DLGAP4: variants seen among roughly 807,000 people sequenced by gnomAD.
DLGAP4 encodes the protein disks large-associated protein 4.
A neutral mutation model predicts 86.9 loss-of-function variants in DLGAP4; 18 were observed. That is an observed-to-expected ratio of 0.21 (90% CI 0.14 to 0.31). The LOEUF is 0.31. DLGAP4 is among the 10% of genes least tolerant of loss of function. The pLI is 1.00. For synonymous variants in DLGAP4, 548 were observed against 574.3 expected, an observed-to-expected ratio of 0.95 and a Z score of 0.65; for missense variants, 1,085 against 1,362.6, an observed-to-expected ratio of 0.80 and a Z score of 3.21.
At chr20:36,519,884 G>A (rs147149927) in intron 10 of DLGAP4, among the ~76,000 whole-genome samples, 239 of 152,076 alleles carry the variant, frequency 1.6e-3, no homozygotes, top group African/African-American at 5.5e-3. Flanking sequence ...TTGACCTTCT[G>A]GGCTCAAGCA....
At chr20:36,485,754 C>G (rs1384345147) in intron 7 of DLGAP4, among the ~76,000 whole-genome samples, 3 of 152,220 alleles carry the variant, frequency 2.0e-5, no homozygotes, top group Non-Finnish European at 4.4e-5. Context: ...TAAAGTAGCA[C>G]CTGGCCCAGG....
At chr20:36,373,792 G>T (rs1034395910) in intron 2 of DLGAP4, among the ~76,000 whole-genome samples, 2 of 152,150 alleles carry the variant, frequency 1.3e-5, no homozygotes, top group South Asian at 4.1e-4. Context: ...CAGCACTTTG[G>T]GAGGCCAAGG....
chr20:36,371,396 G>T (rs1165612116), intron 2 of DLGAP4, among the ~76,000 whole-genome samples: 1 of 152,248 alleles, frequency 6.6e-6, no homozygotes, highest in Middle Eastern at 3.2e-3. Context: ...GACATACACA[G>T]AATGAGGAGA....
rs961292476 is a variant in DLGAP4 at position 36,309,313 on chromosome 20, A to G, written c.-304+2801A>G. ...GGGTGTGGCTGGTGTGGAGAAGGGC[A>G]GGGTCGTGCCTGTCTCTTCACGCCA... On this transcript the variant is annotated intron_variant, in intron 1 of 12. Transcript: ENST00000339266. Among the ~76,000 whole-genome samples the G allele has an allele frequency of 1.4e-3, 210 of 152,272 alleles. 2 individuals carry two copies. Among genetic ancestry groups the G allele is most frequent in the South Asian group, 7.9e-3 (38 of 4,822 alleles).
intron 2 of DLGAP4, among the ~76,000 whole-genome samples, chr20:36,421,428 G>C (rs1462498454): frequency 6.6e-6 from 1 of 151,418 alleles, no homozygotes; most frequent in Non-Finnish European, 1.5e-5. Flanking sequence ...ACTGTACTAT[G>C]GTCTGGGTGA....
chr20:36,351,269 C>A (rs1169282903), intron 1 of DLGAP4, among the ~76,000 whole-genome samples: 1 of 152,176 alleles, frequency 6.6e-6, no homozygotes, highest in Non-Finnish European at 1.5e-5. Flanking sequence ...CAAGAGGGGT[C>A]CCCAACCCTT....
intron 8 of DLGAP4, chr20:36,497,678 G>C (rs2035947672): frequency 1.0e-6 from 1 of 980,348 alleles, no homozygotes; most frequent in Non-Finnish European, 1.2e-6. Flanking sequence ...CCATGGGATA[G>C]GGTCCAGGCG....
chr20:36,352,570 T>G (rs1482373782), intron 1 of DLGAP4, among the ~76,000 whole-genome samples: 6 of 151,648 alleles, frequency 4.0e-5, no homozygotes, highest in Admixed American at 3.9e-4. Context: ...GACGGGAAAG[T>G]TTTTGTCCCG....
intron 2 of DLGAP4, among the ~76,000 whole-genome samples, chr20:36,381,193 A>T (rs569738280): frequency 1.3e-5 from 2 of 152,308 alleles, no homozygotes; most frequent in South Asian, 4.1e-4. Context: ...GCAAGCAAGC[A>T]TATATTGTGT....
intron 1 of DLGAP4, among the ~76,000 whole-genome samples, chr20:36,355,947 G>A (rs1269293947): frequency 6.6e-6 from 1 of 152,218 alleles, no homozygotes; most frequent in African/African-American, 2.4e-5. Flanking sequence ...TGGGCATAGA[G>A]CTCATGACCC....
At chr20:36,525,032 C>T (rs924008266) in intron 11 of DLGAP4, among the ~76,000 whole-genome samples, 2 of 151,110 alleles carry the variant, frequency 1.3e-5, no homozygotes, top group African/African-American at 4.9e-5. Flanking sequence ...TCCTGGCTAA[C>T]ACGGTGAAAC....
At chr20:36,343,799 C>T (rs1461655581) in intron 1 of DLGAP4, among the ~76,000 whole-genome samples, 4 of 152,362 alleles carry the variant, frequency 2.6e-5, no homozygotes, top group Admixed American at 6.5e-5. Context: ...GCTCTGGTGC[C>T]ACCCTCTCCC....
At chr20:36,361,225 G>A (rs1196405140) in intron 1 of DLGAP4, among the ~76,000 whole-genome samples, 3 of 152,150 alleles carry the variant, frequency 2.0e-5, no homozygotes, top group Admixed American at 6.5e-5. Flanking sequence ...AGGGAACTCC[G>A]TCAGTGCTAT....
chr20:36,434,837 C>T (rs1703622867), intron 3 of DLGAP4, among the ~76,000 whole-genome samples: 1 of 152,130 alleles, frequency 6.6e-6, no homozygotes, highest in Admixed American at 6.5e-5. Context: ...GGCCCTTGGG[C>T]AGTGTGCATG....
At chr20:36,315,422 A>G (rs1158190582) in intron 1 of DLGAP4, among the ~76,000 whole-genome samples, 1 of 133,102 alleles carries the variant, frequency 7.5e-6, no homozygotes, top group Non-Finnish European at 1.6e-5. Flanking sequence ...GGGATGAGGA[A>G]CAGTCAAGGC....
chr20:36,355,262 T>C lies in DLGAP4; in HGVS notation c.-303-11783T>C, dbSNP rs2030288484. Among the ~76,000 whole-genome samples the C allele has an allele frequency of 1.3e-5, 2 of 152,028 alleles. 1 individual carries two copies. The highest frequency in any genetic ancestry group is 4.2e-4 in the South Asian group (2 of 4,816). ...GTCTAGCTTCATTCACTCAGCATAATGATTTTTTTTCTTGTTCTTTTTTCT... is the reference window on the plus strand; with the variant it reads ...GTCTAGCTTCATTCACTCAGCATAACGATTTTTTTTCTTGTTCTTTTTTCT... On this transcript the variant is annotated intron_variant, in intron 1 of 12. Coordinates refer to ENST00000339266, the MANE Select transcript of DLGAP4 (RefSeq NM_001365621.2).
In DLGAP4 at chr20:36,500,622, C is replaced by T. The variant is rs774858808; in HGVS notation, c.2512+11C>T. 75 of 1,481,566 alleles carry T rather than the reference C, an allele frequency of 5.1e-5. No homozygotes were observed. The highest frequency in any genetic ancestry group is 1.8e-4 in the Middle Eastern group (1 of 5,532). The allele number at this position is 1,481,566 out of a possible 1,614,324, so 91.8% of individuals were successfully genotyped here. A position where few individuals can be genotyped will look rare whatever the true frequency, so the allele number is the denominator to read the frequency against. On this transcript the variant is annotated intron_variant, in intron 10 of 12. Transcript: ENST00000339266. This position sits in a 1 kb window ranked among gnomAD's most constrained non-coding sequence, Gnocchi z 4.6. Reference sequence around the variant, plus strand: ...ACCTCTCTGAAGAAGGTGGGTGCCACATGGATGGTCCTTGGGCAAGGGTAG... The same window carrying T: ...ACCTCTCTGAAGAAGGTGGGTGCCATATGGATGGTCCTTGGGCAAGGGTAG...
intron 7 of DLGAP4, among the ~76,000 whole-genome samples, chr20:36,493,948 C>T (rs917362851): frequency 6.6e-6 from 1 of 152,202 alleles, no homozygotes; most frequent in Non-Finnish European, 1.5e-5. Context: ...CGCAGTTGCT[C>T]CTCTTCGCTG....
intron 10 of DLGAP4, among the ~76,000 whole-genome samples, chr20:36,515,452 G>A (rs371699589): frequency 2.0e-4 from 30 of 152,164 alleles, no homozygotes; most frequent in East Asian, 1.7e-3. Flanking sequence ...CATATACCTG[G>A]ATTTTATGTT....
Sources: allele counts gnomAD v4.1 joint callset (sites outside exome capture counted in the v4.1 genomes callset), GRCh38; gene constraint gnomAD v4.1.1; non-coding constraint Gnocchi (gnomAD v3.1); transcripts MANE v1.5; gene names NCBI Gene and HGNC (gene_info 2026-07-23, HGNC 2026-07-21).